The following SPIN1 variants were observed in gnomAD, a reference collection of about 807,000 sequenced individuals.
The protein encoded by SPIN1 is spindlin-1.
SPIN1 carries 3 observed loss-of-function variants against 26.0 expected under a neutral mutation model. The ratio of observed to expected loss-of-function variants is 0.12; its 90% CI spans 0.05 to 0.30. SPIN1 has a LOEUF of 0.30. Ranked by LOEUF, SPIN1 falls within the 10% of genes least tolerant of loss-of-function variation. SPIN1 has a pLI of 1.00. For synonymous variants in SPIN1, 101 were observed against 116.5 expected (o/e 0.87, Z 0.86); for missense variants, 126 against 333.4 (o/e 0.38, Z 4.84).
intron 2 of SPIN1, among the ~76,000 whole-genome samples, chr9:88,428,839 C>A (rs966538715): frequency 6.6e-6 from 1 of 152,060 alleles, no homozygotes; most frequent in Admixed American, 6.5e-5. Context: ...TAAGAAGATA[C>A]AAGAAAAACA....
At chr9:88,474,969 A>G in intron 5 of SPIN1, 109 bp from the exon 6 acceptor site, 4 of 1,124,718 alleles carry the variant, frequency 3.6e-6, no homozygotes, top group Non-Finnish European at 4.8e-6. Context: ...AGGCTATTAA[A>G]ATTTTTTTTA....
At chr9:88,449,098 C>A in intron 3 of SPIN1, 109 bp downstream of exon 3, 3 of 962,588 alleles carry the variant, frequency 3.1e-6, no homozygotes, top group South Asian at 1.4e-5. Context: ...GGCTTCCTAG[C>A]TCATAGGAGA....
At chr9:88,410,462 C>T in intron 1 of SPIN1, 1 of 683,904 alleles carries the variant, frequency 1.5e-6, no homozygotes, top group Non-Finnish European at 2.7e-6. Flanking sequence ...ATTCACAAAT[C>T]TGTTTTAACC....
chr9:88,400,164 C>T (rs938107626), intron 1 of SPIN1, among the ~76,000 whole-genome samples: 1 of 152,144 alleles, frequency 6.6e-6, no homozygotes, highest in South Asian at 2.1e-4. Flanking sequence ...CCCTGTAATC[C>T]TTCTTTCTTG....
At chr9:88,451,594 T>C (rs1828354128) in intron 3 of SPIN1, among the ~76,000 whole-genome samples, 1 of 152,226 alleles carries the variant, frequency 6.6e-6, no homozygotes, top group African/African-American at 2.4e-5. Flanking sequence ...GGAGTCTTGC[T>C]CTGTTGCTCA....
intron 1 of SPIN1, among the ~76,000 whole-genome samples, chr9:88,407,765 C>CTTT (rs57142193): frequency 1.4e-5 from 2 of 140,426 alleles, no homozygotes; most frequent in Admixed American, 7.1e-5. Context: ...ATCTCTCTCT[C>CTTT]TTTTTTTTTT....
intron 3 of SPIN1, among the ~76,000 whole-genome samples, chr9:88,459,426 A>G (rs1828533305): frequency 6.6e-6 from 1 of 152,204 alleles, no homozygotes; most frequent in African/African-American, 2.4e-5. Flanking sequence ...TAGTAAAGTT[A>G]CAGACTTTTT....
chr9:88,390,346 C>T (rs1826893340), intron 1 of SPIN1, among the ~76,000 whole-genome samples: 1 of 152,054 alleles, frequency 6.6e-6, no homozygotes, highest in Non-Finnish European at 1.5e-5. Context: ...TGATGTGTGC[C>T]CCTCTGCATT....
intron 1 of SPIN1, among the ~76,000 whole-genome samples, chr9:88,395,189 T>C (rs1206515856): frequency 1.3e-5 from 2 of 152,116 alleles, no homozygotes; most frequent in Non-Finnish European, 2.9e-5. Context: ...TAAAAAGTTA[T>C]GTTCACAGCT....
chr9:88,391,343 A>G (rs1326520682), intron 1 of SPIN1: 1 of 161,182 alleles, frequency 6.2e-6, no homozygotes, highest in Non-Finnish European at 1.4e-5. Context: ...CAAGAAAAAA[A>G]AAGTACAAGA....
At chr9:88,453,537 C>CTT (rs562608694) in intron 3 of SPIN1, among the ~76,000 whole-genome samples, 28 of 145,728 alleles carry the variant, frequency 1.9e-4, no homozygotes, top group African/African-American at 3.2e-4. Flanking sequence ...GGAATGGTAT[C>CTT]TTTTTTTTTT....
chr9:88,443,135 CAAAA>C (rs75387195), intron 2 of SPIN1, among the ~76,000 whole-genome samples: 1 of 139,214 alleles, frequency 7.2e-6, no homozygotes, highest in Non-Finnish European at 1.5e-5. Flanking sequence ...AAAAAAAAAA[CAAAA>C]AAAAACTCAG....
intron 1 of SPIN1, among the ~76,000 whole-genome samples, chr9:88,388,837 G>A (rs2119016141): frequency 6.6e-6 from 1 of 150,884 alleles, no homozygotes; most frequent in East Asian, 2.0e-4. Context: ...CTCGTCCCCA[G>A]TTCCCCGGCC....
intron 3 of SPIN1, 38 bp from the exon 4 acceptor site, chr9:88,462,458 T>C: frequency 6.3e-7 from 1 of 1,591,408 alleles, no homozygotes; most frequent in Non-Finnish European, 8.6e-7. Flanking sequence ...TGCATACTTT[T>C]GAGATAATAC....
intron 2 of SPIN1, among the ~76,000 whole-genome samples, chr9:88,433,099 A>C (rs1827915785): frequency 6.6e-6 from 1 of 150,690 alleles, no homozygotes; most frequent in Non-Finnish European, 1.5e-5. Flanking sequence ...GTTTGTTTTG[A>C]GATAGGGTCT....
chr9:88,453,388 T>C (rs992060591), intron 3 of SPIN1, among the ~76,000 whole-genome samples: 1 of 152,154 alleles, frequency 6.6e-6, no homozygotes, highest in African/African-American at 2.4e-5. Flanking sequence ...CTTGGGAGCT[T>C]ATAGGAATTC....
chr9:88,458,883 C>T (rs1372923833), intron 3 of SPIN1, among the ~76,000 whole-genome samples: 1 of 152,116 alleles, frequency 6.6e-6, no homozygotes, highest in Non-Finnish European at 1.5e-5. Context: ...ATGAGGTCCA[C>T]CAACATTATG....
chr9:88,454,488 A>G (rs1349669517), intron 3 of SPIN1, among the ~76,000 whole-genome samples: 1 of 152,126 alleles, frequency 6.6e-6, no homozygotes, highest in East Asian at 1.9e-4. Flanking sequence ...TTTGTTATTA[A>G]TAGTGTTTTT....
At chr9:88,445,580 T>G (rs572140807) in intron 2 of SPIN1, among the ~76,000 whole-genome samples, 1 of 149,722 alleles carries the variant, frequency 6.7e-6, no homozygotes, top group African/African-American at 2.4e-5. Context: ...GATGGAGTCT[T>G]GCTCTGGGCT....
Sources: gnomAD v4.1 joint callset for allele counts (sites outside exome capture counted in the v4.1 genomes callset) on GRCh38, gnomAD v4.1.1 for gene constraint, MANE v1.5 for transcripts, NCBI Gene and HGNC (gene_info 2026-07-23, HGNC 2026-07-21) for gene names.